DNAJC11: variants seen among roughly 807,000 people sequenced by gnomAD.
DNAJC11 encodes the protein DnaJ heat shock protein family (Hsp40) member C11.
Under a neutral mutation model 78.6 loss-of-function variants are expected in DNAJC11, and 15 were observed. That is an observed-to-expected ratio of 0.19 (90% CI 0.13 to 0.29). The LOEUF (loss-of-function observed/expected upper bound fraction) is 0.29, where lower values mean the gene tolerates loss of function less well. DNAJC11 is among the 10% of genes least tolerant of loss of function. The probability of loss-of-function intolerance (pLI) is 1.00; values close to 1 mark genes in which losing one functional copy is unlikely to be tolerated. For missense variants in DNAJC11, 547 were observed against 709.6 expected, an observed-to-expected ratio of 0.77 and a Z score of 2.60; for synonymous variants, 292 against 272.1, an observed-to-expected ratio of 1.07 and a Z score of -0.72.
chr1:6,687,457 T>C (rs563102941), intron 1 of DNAJC11, among the ~76,000 whole-genome samples: 2 of 149,902 alleles, frequency 1.3e-5, no homozygotes, highest in East Asian at 2.0e-4. Flanking sequence ...CCCGGGTTCA[T>C]GCCATTCTCC....
chr1:6,679,015 C>T (rs1642514207), intron 2 of DNAJC11, among the ~76,000 whole-genome samples: 1 of 152,178 alleles, frequency 6.6e-6, no homozygotes, highest in Non-Finnish European at 1.5e-5. Context: ...CCAAGTTACT[C>T]TTGATTGGAA....
intron 4 of DNAJC11, among the ~76,000 whole-genome samples, chr1:6,665,132 A>G (rs1642274736): frequency 6.6e-6 from 1 of 152,110 alleles, no homozygotes; most frequent in Non-Finnish European, 1.5e-5. Context: ...CAGTGGTGCA[A>G]TCACGGCTCA....
chr1:6,657,879 T>C (rs1275522546), intron 4 of DNAJC11, among the ~76,000 whole-genome samples: 3 of 152,344 alleles, frequency 2.0e-5, no homozygotes, highest in South Asian at 2.1e-4. Context: ...TCTCCTGACC[T>C]CGTGATCTGC....
At chr1:6,681,725 G>A (rs1437518879) in intron 1 of DNAJC11, among the ~76,000 whole-genome samples, 2 of 152,168 alleles carry the variant, frequency 1.3e-5, no homozygotes, top group African/African-American at 4.8e-5. Flanking sequence ...GGGTGCCAAT[G>A]AGGCAAACCC....
Position 6,653,992 on chromosome 1 carries a change from A to G in DNAJC11, c.426T>C (p.Tyr142=). 2.5e-6 allele frequency: 4 copies of G among 1,613,680 alleles called. No homozygotes were observed. The highest frequency in any genetic ancestry group is 3.4e-6 in the Non-Finnish European group (4 of 1,179,676). Reference sequence around the variant, plus strand: ...CGGACACATCTTCATACTCCTCATCATAGCGATCAAAAAGGTCGGTGGCAT... The same window carrying G: ...CGGACACATCTTCATACTCCTCATCGTAGCGATCAAAAAGGTCGGTGGCAT... ...GVDATDLFDR[Y]DEEYEDVSGS... is the part of the protein sequence containing the mutation. The change falls in exon 5 of 16, where the codon TAT becomes TAC. Residue 142 remains tyrosine (Y), a synonymous_variant. Transcript: ENST00000377577. This position sits in a 1 kb window ranked among gnomAD's most constrained non-coding sequence, Gnocchi z 4.5.
At chr1:6,654,179 AC>A in intron 4 of DNAJC11, 140 bp from the exon 5 acceptor site, 1 of 987,142 alleles carries the variant, frequency 1.0e-6, no homozygotes, top group Non-Finnish European at 1.5e-6. Flanking sequence ...AGGACACTCC[AC>A]CAGGAAGCCC....
In DNAJC11 at chr1:6,653,869, T is replaced by G; in HGVS notation, c.507+42A>C. ...GCTTGGTGTGCTGTGCCTCATTAAC[T>G]CGAGCCCTTGCTGTACTCGGAGAGG... On this transcript the variant is annotated intron_variant, in intron 5 of 15. Coordinates refer to ENST00000377577, the MANE Select transcript of DNAJC11 (RefSeq NM_018198.4). This position sits in a 1 kb window ranked among gnomAD's most constrained non-coding sequence, Gnocchi z 4.5. The G allele has an allele frequency of 6.2e-7, 1 of 1,605,058 alleles. No homozygotes were observed. The highest frequency in any genetic ancestry group is 8.5e-7 in the Non-Finnish European group (1 of 1,173,706).
rs558236657 is a variant in DNAJC11, at chr1:6,642,136, G to C, written c.1098-2079C>G. Among the ~76,000 whole-genome samples the C allele has an allele frequency of 4.6e-5, 7 of 152,296 alleles. No individual in the cohort carries two copies. The East Asian group carries it at 1.3e-3, about 29-fold the overall frequency. ...GTGTGTGCCAGGAATAGCTCCAGGG[G>C]GTCAGGATGGCTGGGGTTGGGGTAG... On this transcript the variant is annotated intron_variant, in intron 10 of 15. Transcript: ENST00000377577.
chr1:6,681,777 T>C (rs981574196), intron 1 of DNAJC11, among the ~76,000 whole-genome samples: 1 of 152,098 alleles, frequency 6.6e-6, no homozygotes, highest in Non-Finnish European at 1.5e-5. Flanking sequence ...AGAGGGTCTC[T>C]AGACAGGGCC....
chr1:6,681,175 G>T, intron 1 of DNAJC11, 138 bp from the exon 2 acceptor site: 1 of 850,606 alleles, frequency 1.2e-6, no homozygotes, highest in South Asian at 1.9e-5. Context: ...AATGAAGTTC[G>T]GTTTATCACC....
rs1000716560 is a variant in DNAJC11, at chr1:6,653,091, T to A, written c.508-140A>T. The A allele has an allele frequency of 6.3e-6, 6 of 949,844 alleles. No homozygotes were observed. In the Admixed American group the frequency reaches 9.5e-5, roughly 15 times the overall value. 58.8% of individuals were successfully genotyped at this position (949,844 alleles called of 1,614,324 possible). A position where few individuals can be genotyped will look rare whatever the true frequency, so the allele number is the denominator to read the frequency against. On this transcript the variant is annotated intron_variant, in intron 5 of 15. Transcript: ENST00000377577. The surrounding 1 kb of genome is among the most constrained non-coding windows in gnomAD (Gnocchi z 4.5). The stretch of plus-strand genomic sequence containing the variant: ...TCAGAAGCACACATGGATGCAGAAC[T>A]GCCGCAACAGCTTCACTTTTCTTCC...
intron 7 of DNAJC11, among the ~76,000 whole-genome samples, chr1:6,649,371 G>A (rs1304061656): frequency 1.3e-5 from 2 of 152,052 alleles, no homozygotes; most frequent in Non-Finnish European, 2.9e-5. Context: ...GAGTTTCACC[G>A]TGTTAGCCAG....
rs966733077 is a variant in DNAJC11 at position 6,636,250 on chromosome 1, T to C, written c.1525-4A>G. The C allele has an allele frequency of 3.1e-6, 5 of 1,613,806 alleles. No individual in the cohort carries two copies. Among genetic ancestry groups the C allele is most frequent in the Non-Finnish European group, 4.2e-6 (5 of 1,179,920 alleles). On this transcript the variant is annotated splice_polypyrimidine_tract_variant and splice_region_variant and intron_variant, in intron 14 of 15. Transcript: ENST00000377577. ...CATAAAAGCCAGGCAGCCCAGCCTGTAACAAACAAATTGCTACTCTCAATA... is the reference window on the plus strand; with the variant it reads ...CATAAAAGCCAGGCAGCCCAGCCTGCAACAAACAAATTGCTACTCTCAATA...
chr1:6,643,083 G>A (rs114089042), intron 10 of DNAJC11, among the ~76,000 whole-genome samples: 3 of 152,154 alleles, frequency 2.0e-5, no homozygotes, highest in African/African-American at 7.2e-5. Flanking sequence ...AAGGGCAGGA[G>A]GGAACGGCCA....
At position 6,641,667 on chromosome 1, in the gene DNAJC11, C is replaced by T. The variant is rs116204661; in HGVS notation, c.1098-1610G>A. 1.9e-3 allele frequency among the ~76,000 whole-genome samples: 290 copies of T among 151,942 alleles called. 1 individual carries two copies. Among genetic ancestry groups the T allele is most frequent in the African/African-American group, 6.7e-3 (278 of 41,422 alleles). On this transcript the variant is annotated intron_variant, in intron 10 of 15. Transcript: ENST00000377577. The stretch of plus-strand genomic sequence containing the variant: ...CTGTCTTGGCCTCCCAAAGTGTGCG[C>T]GCCACTGTACTGAGCCTTCAAATAT...
At position 6,634,271 on chromosome 1, in the gene DNAJC11, C is replaced by T. The variant is rs929025869; in HGVS notation, c.*1404G>A. On this transcript the variant is annotated 3_prime_UTR_variant, in exon 16 of 16. Coordinates refer to ENST00000377577, the MANE Select transcript of DNAJC11 (RefSeq NM_018198.4). ...CAGAAGCACCTGCGGCAGAGGCGCA[C>T]GGGAAGCCCGGGGCCCAGGCTCATG... is the stretch of plus-strand genomic sequence containing the variant. The T allele has an allele frequency of 2.5e-5, 21 of 854,216 alleles. No individual in the cohort carries two copies. Among genetic ancestry groups the T allele is most frequent in the Admixed American group, 8.7e-5 (3 of 34,494 alleles). The allele number at this position is 854,216 out of a possible 1,614,324, so 52.9% of individuals were successfully genotyped here. A position where few individuals can be genotyped will look rare whatever the true frequency, so the allele number is the denominator to read the frequency against.
At chr1:6,654,121 G>A (rs535322222) in intron 4 of DNAJC11, 82 bp from the exon 5 acceptor site, 25 of 1,533,962 alleles carry the variant, frequency 1.6e-5, no homozygotes, top group Middle Eastern at 1.8e-4. Context: ...CAGCCAGCTC[G>A]CTTTAATTGA....
chr1:6,679,036 C>T (rs146600302), intron 2 of DNAJC11, among the ~76,000 whole-genome samples: 1 of 152,278 alleles, frequency 6.6e-6, no homozygotes, highest in East Asian at 1.9e-4. Flanking sequence ...GGTACAGCTA[C>T]AAGGTGTACA....
At chr1:6,684,134 G>T (rs1049382581) in intron 1 of DNAJC11, among the ~76,000 whole-genome samples, 2 of 149,710 alleles carry the variant, frequency 1.3e-5, no homozygotes, top group African/African-American at 4.9e-5. Context: ...AGGCTGGAGT[G>T]CAGTGCTGTG....
Sources: gnomAD v4.1 joint callset for allele counts (sites outside exome capture counted in the v4.1 genomes callset) on GRCh38, gnomAD v4.1.1 for gene constraint, Gnocchi (gnomAD v3.1) non-coding constraint, MANE v1.5 for transcripts, NCBI Gene and HGNC (gene_info 2026-07-23, HGNC 2026-07-21) for gene names.